Variants in ZMAT4 observed in about 807,000 individuals in gnomAD.
ZMAT4 encodes zinc finger matrin-type protein 4.
In ZMAT4, 17 loss-of-function variants were observed where a neutral mutation model predicts 28.7. That is an observed-to-expected ratio of 0.59 (90% CI 0.41 to 0.89). The LOEUF (loss-of-function observed/expected upper bound fraction) is 0.89, where lower values mean the gene tolerates loss of function less well. ZMAT4 is among the 40% of genes least tolerant of loss of function. The pLI is 0.00. For missense variants in ZMAT4, 240 were observed against 283.8 expected, an observed-to-expected ratio of 0.85 and a Z score of 1.11; for synonymous variants, 117 against 109.2, an observed-to-expected ratio of 1.07 and a Z score of -0.44.
At chr8:40,771,415 C>T (rs1347680822) in intron 2 of ZMAT4, among the ~76,000 whole-genome samples, 1 of 151,260 alleles carries the variant, frequency 6.6e-6, no homozygotes, top group East Asian at 1.9e-4. Flanking sequence ...AACAAATTTG[C>T]CTATAACATA....
At chr8:40,832,726 A>C (rs1816332886) in intron 1 of ZMAT4, among the ~76,000 whole-genome samples, 1 of 152,190 alleles carries the variant, frequency 6.6e-6, no homozygotes, top group Admixed American at 6.5e-5. Context: ...ATGAATGTGA[A>C]ACAGACAGGA....
At chr8:40,819,979 C>T (rs1318985870) in intron 2 of ZMAT4, among the ~76,000 whole-genome samples, 2 of 151,892 alleles carry the variant, frequency 1.3e-5, no homozygotes, top group Non-Finnish European at 2.9e-5. Flanking sequence ...GAAACTGAAC[C>T]TTTAAGTGAA....
intron 2 of ZMAT4, among the ~76,000 whole-genome samples, chr8:40,768,772 T>C (rs1813268026): frequency 6.6e-6 from 1 of 152,220 alleles, no homozygotes; most frequent in South Asian, 2.1e-4. Flanking sequence ...CACTGTTGAC[T>C]GCATCACCTC....
At chr8:40,716,913 C>T (rs893640948) in intron 3 of ZMAT4, among the ~76,000 whole-genome samples, 16 of 152,108 alleles carry the variant, frequency 1.1e-4, no homozygotes, top group African/African-American at 3.4e-4. Flanking sequence ...ATGGGTATCA[C>T]GTGGACCTGC....
In ZMAT4 at chr8:40,534,979, G is replaced by A. The variant is rs74583546; in HGVS notation, c.675-2741C>T. Among the ~76,000 whole-genome samples the A allele has an allele frequency of 5.4e-4, 82 of 152,082 alleles. 1 individual carries two copies. In the East Asian group the frequency reaches 0.013, roughly 23 times the overall value. On this transcript the variant is annotated intron_variant, in intron 6 of 6. Transcript: ENST00000297737. ...ATTACAGGTGTGAGCCACTGCGTCC[G>A]GCCCACATTTGCTACCTTTCTAAAA...
At chr8:40,705,257 C>T (rs6474267) in intron 3 of ZMAT4, among the ~76,000 whole-genome samples, 23,151 of 152,086 alleles carry the variant, frequency 0.15, 2,540 homozygotes, top group East Asian at 0.37. Context: ...AGCCAGAGTT[C>T]CTGAGAGAGG....
chr8:40,726,475 G>T (rs192981579), intron 3 of ZMAT4, among the ~76,000 whole-genome samples: 93 of 152,260 alleles, frequency 6.1e-4, no homozygotes, highest in Non-Finnish European at 1.1e-3. Context: ...CTGCAAAATG[G>T]TTATTCTACC....
intron 1 of ZMAT4, among the ~76,000 whole-genome samples, chr8:40,889,799 C>T (rs543865973): frequency 2.9e-4 from 44 of 152,196 alleles, no homozygotes; most frequent in African/African-American, 9.2e-4. Context: ...ATGAATAATG[C>T]TGAAAGGAAT....
chr8:40,697,476 G>A (rs1161880083), intron 3 of ZMAT4, 75 bp from the exon 4 acceptor site: 9 of 1,309,892 alleles, frequency 6.9e-6, no homozygotes, highest in Admixed American at 3.2e-5. Context: ...TTACCCAGAC[G>A]AACTAGTGTA....
At chr8:40,836,728 T>C (rs1201620034) in intron 1 of ZMAT4, among the ~76,000 whole-genome samples, 1 of 152,158 alleles carries the variant, frequency 6.6e-6, no homozygotes, top group East Asian at 1.9e-4. Context: ...GGCAGAGAAA[T>C]GAGGACAAGA....
chr8:40,617,556 A>G (rs778828798), intron 5 of ZMAT4, among the ~76,000 whole-genome samples: 2 of 152,242 alleles, frequency 1.3e-5, no homozygotes, highest in African/African-American at 4.8e-5. Flanking sequence ...TTTGGGTTTC[A>G]GGAAGCATAA....
At chr8:40,575,819 G>A (rs1369452311) in intron 6 of ZMAT4, among the ~76,000 whole-genome samples, 4 of 151,794 alleles carry the variant, frequency 2.6e-5, no homozygotes, top group Admixed American at 2.6e-4. Context: ...CATAAAAAAG[G>A]AAATTACAAA....
intron 1 of ZMAT4, among the ~76,000 whole-genome samples, chr8:40,845,476 A>G (rs1186212570): frequency 6.6e-6 from 1 of 152,080 alleles, no homozygotes; most frequent in African/African-American, 2.4e-5. Flanking sequence ...CCAGTTGACA[A>G]TTTTTCTGCT....
At chr8:40,717,576 C>A (rs1016620783) in intron 3 of ZMAT4, among the ~76,000 whole-genome samples, 2 of 152,060 alleles carry the variant, frequency 1.3e-5, no homozygotes, top group Middle Eastern at 3.4e-3. Flanking sequence ...CAAGAGGATC[C>A]CTTGAGCCCA....
At chr8:40,746,307 T>C (rs1585983469) in intron 3 of ZMAT4, among the ~76,000 whole-genome samples, 1 of 107,836 alleles carries the variant, frequency 9.3e-6, no homozygotes, top group African/African-American at 4.0e-5. Context: ...TCTCCCTTCC[T>C]TTCCTTTCCT....
chr8:40,793,751 GAA>G (rs1814463784), intron 2 of ZMAT4, among the ~76,000 whole-genome samples: 1 of 152,204 alleles, frequency 6.6e-6, no homozygotes, highest in Non-Finnish European at 1.5e-5. Flanking sequence ...TCTAAGCCCT[GAA>G]GTTTCTCAAG....
intron 1 of ZMAT4, among the ~76,000 whole-genome samples, chr8:40,875,357 A>T (rs530452244): frequency 1.3e-5 from 2 of 152,144 alleles, no homozygotes; most frequent in African/African-American, 4.8e-5. Context: ...CAGGTTTAAG[A>T]CAAGCGCATG....
At chr8:40,629,580 C>T (rs2589872) in intron 5 of ZMAT4, among the ~76,000 whole-genome samples, 76,727 of 137,418 alleles carry the variant, frequency 0.56, 22,570 homozygotes, top group East Asian at 0.69. Flanking sequence ...CAACAGGCCC[C>T]GGTGTGTGAT....
intron 2 of ZMAT4, among the ~76,000 whole-genome samples, chr8:40,820,957 CTGTG>C (rs1323612000): frequency 6.3e-4 from 22 of 34,930 alleles, no homozygotes; most frequent in African/African-American, 2.4e-3. Context: ...ATGTGTGTGT[CTGTG>C]TGTATGTGTG....
Sources: gnomAD v4.1 joint callset for allele counts (sites outside exome capture counted in the v4.1 genomes callset) on GRCh38, gnomAD v4.1.1 for gene constraint, MANE v1.5 for transcripts, NCBI Gene and HGNC (gene_info 2026-07-23, HGNC 2026-07-21) for gene names.